The following TST variants were observed in gnomAD, a reference collection of about 807,000 sequenced individuals.
TST encodes the protein epididymis secretory sperm binding protein.
A neutral mutation model predicts 20.4 loss-of-function variants in TST; 22 were observed. The ratio of observed to expected loss-of-function variants is 1.08; its 90% CI spans 0.77 to 1.54. The LOEUF is 1.54. TST is among the 40% of genes most tolerant of loss of function. TST has a pLI of 0.00. For missense variants in TST, 392 were observed against 405.2 expected (o/e 0.97, Z 0.28); for synonymous variants, 187 against 173.8 (o/e 1.08, Z -0.60).
At chr22:37,017,628 A>ACAGACTG (rs58637593) in intron 2 of TST, among the ~76,000 whole-genome samples, 1 of 151,494 alleles carries the variant, frequency 6.6e-6, no homozygotes, top group African/African-American at 2.4e-5. Flanking sequence ...AGGTTATGGA[A>ACAGACTG]CCTTTGCAAA....
At chr22:37,011,914 G>T (rs1569160862) in intron 2 of TST, among the ~76,000 whole-genome samples, 1 of 152,218 alleles carries the variant, frequency 6.6e-6, no homozygotes, top group Non-Finnish European at 1.5e-5. Context: ...AGGCCACACA[G>T]AAAGATGAAG....
At chr22:37,013,114 C>G (rs1317337381) in intron 2 of TST, 1 of 152,144 alleles carries the variant, frequency 6.6e-6, no homozygotes, top group Non-Finnish European at 1.5e-5. Flanking sequence ...CAGCTAAAAG[C>G]ACCCAGTGAC....
rs1156829156 is a variant in TST at position 37,018,640 on chromosome 22, C to T, written c.93G>A (p.Val31=). The T allele has an allele frequency of 6.4e-7, 1 of 1,568,230 alleles. No homozygotes were observed. Among genetic ancestry groups the T allele is most frequent in the South Asian group, 1.2e-5 (1 of 86,146 alleles). Residue 31 remains valine (V), a synonymous_variant, in exon 2 of 3, where the codon GTG becomes GTA. Coordinates refer to ENST00000249042, the MANE Select transcript of TST (RefSeq NM_003312.6). ...RTGKLGPGLR[V]LDASWYSPGT... is the part of the protein sequence containing the mutation. Reference sequence around the variant, plus strand: ...CTGGTGAGTACCAGGACGCGTCCAGCACCCGCAGGCCGGGCCCCAGCTTGC... The same window carrying T: ...CTGGTGAGTACCAGGACGCGTCCAGTACCCGCAGGCCGGGCCCCAGCTTGC...
chr22:37,011,023 C>T lies in TST; in HGVS notation c.*4G>A, dbSNP rs1049280. 0.023 allele frequency: 36,608 copies of T among 1,603,928 alleles called. 557 individuals carry two copies. Among genetic ancestry groups the T allele is most frequent in the Non-Finnish European group, 0.026 (30,623 of 1,174,514 alleles). ...CAGTTACAGTAAGCAGAAGAGGTCACGGCTCAGGCCTTCTCAGACTTTCCC... is the reference window on the plus strand; with the variant it reads ...CAGTTACAGTAAGCAGAAGAGGTCATGGCTCAGGCCTTCTCAGACTTTCCC... On this transcript the variant is annotated 3_prime_UTR_variant, in exon 3 of 3. Transcript: ENST00000249042.
rs370974939 is a variant in TST, at chr22:37,018,452, G to A, written c.281C>T (p.Thr94Met). Residue 94 changes from threonine (T) to methionine (M), a missense_variant, in exon 2 of 3, where the codon ACG (threonine) becomes ATG (methionine). Thr to Met is a moderately conservative substitution (Grantham distance 81). Coordinates refer to ENST00000249042, the MANE Select transcript of TST (RefSeq NM_003312.6). ...YVGRLGISNH[T>M]HVVVYDGEHL... is the part of the protein sequence containing the mutation. ...TTCACCATCATACACCACCACGTGC[G>A]TGTGGTTGCTGATGCCCAGGCGGCC... is the stretch of plus-strand genomic sequence containing the variant. 115 of 1,613,040 alleles carry A rather than the reference G, an allele frequency of 7.1e-5. No homozygotes were observed. Among genetic ancestry groups the A allele is most frequent in the Non-Finnish European group, 9.5e-5 (112 of 1,179,874 alleles).
At chr22:37,019,822 C>T (rs1348203489), upstream of TST, 1 of 1,193,134 alleles carries the variant, frequency 8.4e-7, no homozygotes, top group Non-Finnish European at 1.1e-6. Context: ...GAGGGGGCGC[C>T]GCGCCGCGGG....
intron 2 of TST, among the ~76,000 whole-genome samples, chr22:37,015,935 CTTTTTTTTTTTT>C (rs1000783141): frequency 4.1e-5 from 3 of 73,868 alleles, no homozygotes; most frequent in South Asian, 5.0e-4. Flanking sequence ...GCCACTGCTA[CTTTTTTTTTTTT>C]TTTTTTTTTT....
upstream of TST, chr22:37,020,033 T>G: frequency 2.5e-6 from 1 of 402,936 alleles, no homozygotes; most frequent in Non-Finnish European, 4.3e-6. Context: ...GACTGTCCGC[T>G]TGGGGCGGCC....
At position 37,013,637 on chromosome 22, in the gene TST, T is replaced by C. The variant is rs143705196; in HGVS notation, c.596-2312A>G. On this transcript the variant is annotated intron_variant, in intron 2 of 2. Coordinates refer to ENST00000249042, the MANE Select transcript of TST (RefSeq NM_003312.6). ...AATTAAAAAAGGAAGTTTGATTGCA[T>C]ATAACGTATAAAATTAGAGCAATTT... is the stretch of plus-strand genomic sequence containing the variant. Among the ~76,000 whole-genome samples the C allele has an allele frequency of 3.0e-3, 453 of 152,266 alleles. 7 individuals carry two copies. The highest frequency in any genetic ancestry group is 0.011 in the African/African-American group (444 of 41,538).
At chr22:37,012,163 T>C (rs914261119) in intron 2 of TST, among the ~76,000 whole-genome samples, 4 of 151,994 alleles carry the variant, frequency 2.6e-5, no homozygotes, top group Non-Finnish European at 4.4e-5. Flanking sequence ...CCACCCACCC[T>C]GCCATGCTGC....
chr22:37,017,195 A>C (rs1199402966), intron 2 of TST, among the ~76,000 whole-genome samples: 1 of 152,150 alleles, frequency 6.6e-6, no homozygotes, highest in Non-Finnish European at 1.5e-5. Context: ...CTGCCTCTAG[A>C]AAAGGGAAGA....
At chr22:37,017,123 G>A (rs1922708795) in intron 2 of TST, among the ~76,000 whole-genome samples, 1 of 152,214 alleles carries the variant, frequency 6.6e-6, no homozygotes, top group Non-Finnish European at 1.5e-5. Context: ...CCCTGCTCCT[G>A]GAAATGGCCA....
At chr22:37,015,273 G>A (rs1244655561) in intron 2 of TST, among the ~76,000 whole-genome samples, 1 of 152,172 alleles carries the variant, frequency 6.6e-6, no homozygotes, top group Non-Finnish European at 1.5e-5. Context: ...AAAGCGTTCT[G>A]TAAATAAAAG....
chr22:37,013,445 A>AT (rs1207815498), intron 2 of TST: 3 of 150,974 alleles, frequency 2.0e-5, no homozygotes, highest in African/African-American at 7.3e-5. Flanking sequence ...TCTATAGAAA[A>AT]AAAAAAAAAA....
At chr22:37,015,115 C>A (rs1171722357) in intron 2 of TST, among the ~76,000 whole-genome samples, 3 of 152,192 alleles carry the variant, frequency 2.0e-5, no homozygotes, top group African/African-American at 7.2e-5. Flanking sequence ...CAACTTGAAG[C>A]CTGCCGACCT....
At chr22:37,013,098 C>T (rs960275742) in intron 2 of TST, 1 of 152,056 alleles carries the variant, frequency 6.6e-6, no homozygotes, top group Admixed American at 6.6e-5. Context: ...GGAAGTCTAA[C>T]TACTGCAGCT....
intron 1 of TST, 92 bp from the exon 2 acceptor site, chr22:37,018,845 C>T: frequency 1.1e-6 from 1 of 871,398 alleles, no homozygotes; most frequent in Non-Finnish European, 1.7e-6. Context: ...GCTCTTTCTC[C>T]CTCCGCACTC....
At chr22:37,018,794 G>A in intron 1 of TST, 41 bp from the exon 2 acceptor site, 1 of 1,384,366 alleles carries the variant, frequency 7.2e-7, no homozygotes, top group Non-Finnish European at 9.5e-7. Context: ...CAGGCGTGAG[G>A]AAGGAAGTCG....
chr22:37,017,161 A>T (rs568750848), intron 2 of TST, among the ~76,000 whole-genome samples: 6 of 152,270 alleles, frequency 3.9e-5, no homozygotes, highest in African/African-American at 1.4e-4. Flanking sequence ...ACTCAGCAGG[A>T]GTGATGGCAG....
Sources: gnomAD v4.1 joint callset for allele counts (sites outside exome capture counted in the v4.1 genomes callset) on GRCh38, gnomAD v4.1.1 for gene constraint, MANE v1.5 for transcripts, NCBI Gene and HGNC (gene_info 2026-07-23, HGNC 2026-07-21) for gene names.